Variants in PIEZO2 observed in about 807,000 individuals in gnomAD.
The protein encoded by PIEZO2 is piezo-type mechanosensitive ion channel component 2.
PIEZO2 carries 172 observed loss-of-function variants against 337.3 expected under a neutral mutation model. The ratio of observed to expected loss-of-function variants is 0.51; its 90% CI spans 0.45 to 0.58. The LOEUF (loss-of-function observed/expected upper bound fraction) is 0.58. Ranked by LOEUF, PIEZO2 falls within the 20% of genes least tolerant of loss-of-function variation. PIEZO2 has a pLI of 0.00. For synonymous variants in PIEZO2, 1,251 were observed against 1,228.5 expected (o/e 1.02, Z -0.38); for missense variants, 3,028 against 3,391.3 (o/e 0.89, Z 2.66).
chr18:10,752,620 A>G lies in PIEZO2; in HGVS notation c.4167+16T>C. ...CACGAAAACCGCAAATGTGTTATGCAGTGGCAACCACTTACTGACAGGATA... is the reference window on the plus strand; with the variant it reads ...CACGAAAACCGCAAATGTGTTATGCGGTGGCAACCACTTACTGACAGGATA... On this transcript the variant is annotated intron_variant, in intron 28 of 55. Coordinates refer to ENST00000674853, the MANE Select transcript of PIEZO2 (RefSeq NM_001378183.1). 1 of 1,536,394 alleles carries G rather than the reference A, an allele frequency of 6.5e-7. No homozygotes were observed. Among genetic ancestry groups the G allele is most frequent in the Non-Finnish European group, 8.7e-7 (1 of 1,146,256 alleles).
At chr18:11,130,706 C>T (rs1455968868) in intron 1 of PIEZO2, among the ~76,000 whole-genome samples, 2 of 152,136 alleles carry the variant, frequency 1.3e-5, no homozygotes, top group African/African-American at 4.8e-5. Context: ...TGGTGTGGGG[C>T]CTGTCTAGAT....
intron 3 of PIEZO2, among the ~76,000 whole-genome samples, chr18:10,915,663 A>G (rs980450077): frequency 8.5e-5 from 13 of 152,276 alleles, no homozygotes; most frequent in African/African-American, 3.1e-4. Flanking sequence ...CTGTGAAATT[A>G]GTACTATTAC....
At position 10,959,793 on chromosome 18, in the gene PIEZO2, C is replaced by T. The variant is rs998526434; in HGVS notation, c.286+19742G>A. 8.5e-5 allele frequency among the ~76,000 whole-genome samples: 13 copies of T among 152,256 alleles called. No individual in the cohort carries two copies. The East Asian group carries it at 1.5e-3, about 18-fold the overall frequency. Reference sequence around the variant, plus strand: ...TTTTAAGTAAAACATTTATTTAACACGCCTATAATAAAGTTAAATAAATTA... The same window carrying T: ...TTTTAAGTAAAACATTTATTTAACATGCCTATAATAAAGTTAAATAAATTA... On this transcript the variant is annotated intron_variant, in intron 3 of 55. Transcript: ENST00000674853.
intron 18 of PIEZO2, among the ~76,000 whole-genome samples, chr18:10,774,391 G>A (rs1343277798): frequency 6.6e-6 from 1 of 152,166 alleles, no homozygotes; most frequent in Non-Finnish European, 1.5e-5. Flanking sequence ...AAAATTTCTT[G>A]AAAGAATGTG....
At chr18:10,912,293 T>G (rs1208603277) in intron 3 of PIEZO2, among the ~76,000 whole-genome samples, 1 of 152,204 alleles carries the variant, frequency 6.6e-6, no homozygotes, top group Non-Finnish European at 1.5e-5. Context: ...ATAAAAATTC[T>G]GCATTTACCA....
intron 1 of PIEZO2, among the ~76,000 whole-genome samples, chr18:11,141,399 T>C (rs1212521889): frequency 1.3e-5 from 2 of 151,762 alleles, no homozygotes; most frequent in African/African-American, 2.4e-5. Context: ...TCTGGGGGGC[T>C]TAGGGCAGGG....
intron 7 of PIEZO2, among the ~76,000 whole-genome samples, chr18:10,851,310 A>G (rs1199803459): frequency 1.3e-5 from 2 of 152,112 alleles, no homozygotes; most frequent in Non-Finnish European, 2.9e-5. Context: ...ATGTCCTGTT[A>G]TCGGCAAGTT....
intron 3 of PIEZO2, among the ~76,000 whole-genome samples, chr18:10,961,840 A>T (rs532815460): frequency 1.9e-4 from 29 of 152,320 alleles, no homozygotes; most frequent in African/African-American, 6.7e-4. Flanking sequence ...TTATAGCTAG[A>T]TAGCTCTTAT....
rs188980112 is a variant in PIEZO2, at chr18:11,099,914, A to G, written c.65-33692T>C. On this transcript the variant is annotated intron_variant, in intron 1 of 55. Transcript: ENST00000674853. The surrounding 1 kb of genome is among the most constrained non-coding windows in gnomAD (Gnocchi z 5.4). ...GCTGAGTTGTTATAATCTCTTATGT[A>G]TCATAGAAACCAAGCCTTTGTTAAT... is the stretch of plus-strand genomic sequence containing the variant. Among the ~76,000 whole-genome samples the G allele has an allele frequency of 6.6e-6, 1 of 152,284 alleles. No homozygotes were observed. The highest frequency in any genetic ancestry group is 2.4e-5 in the African/African-American group (1 of 41,554).
At position 10,815,536 on chromosome 18, in the gene PIEZO2, A is replaced by G. The variant is rs189549164; in HGVS notation, c.918-8262T>C. ...CTGAAACGGGCCTTGAAAATATCCT[A>G]TATACAATTGTTTTGGATTGTAAGC... On this transcript the variant is annotated intron_variant, in intron 7 of 55. Coordinates refer to ENST00000674853, the MANE Select transcript of PIEZO2 (RefSeq NM_001378183.1). The surrounding 1 kb of genome is among the most constrained non-coding windows in gnomAD (Gnocchi z 4.1). 2.6e-5 allele frequency among the ~76,000 whole-genome samples: 4 copies of G among 152,308 alleles called. No homozygotes were observed. The East Asian group carries it at 7.7e-4, about 29-fold the overall frequency.
chr18:10,828,933 T>C lies in PIEZO2; in HGVS notation c.918-21659A>G, dbSNP rs561082718. ...ATGCTGCTGCTTCCTCCAGGAAGCC[T>C]TTCCTCAGCATGTCATGTCTTCATT... On this transcript the variant is annotated intron_variant, in intron 7 of 55. Transcript: ENST00000674853. The surrounding 1 kb of genome is among the most constrained non-coding windows in gnomAD (Gnocchi z 4.1). 5.9e-5 allele frequency among the ~76,000 whole-genome samples: 9 copies of C among 152,292 alleles called. No homozygotes were observed. The South Asian group carries it at 1.9e-3, about 32-fold the overall frequency.
chr18:11,135,575 T>A (rs2040459238), intron 1 of PIEZO2, among the ~76,000 whole-genome samples: 1 of 152,104 alleles, frequency 6.6e-6, no homozygotes, highest in Non-Finnish European at 1.5e-5. Flanking sequence ...TTAGATGGAG[T>A]CTAGCTCTGT....
intron 1 of PIEZO2, among the ~76,000 whole-genome samples, chr18:11,090,333 T>TACAA (rs1284900989): frequency 3.9e-5 from 6 of 152,078 alleles, no homozygotes; most frequent in African/African-American, 1.4e-4. Flanking sequence ...GAGAAAGGAA[T>TACAA]ACAAACTGCT....
At chr18:10,720,234 G>GTGTGTGTGTATATA (rs1225106343) in intron 36 of PIEZO2, among the ~76,000 whole-genome samples, 1 of 119,920 alleles carries the variant, frequency 8.3e-6, no homozygotes, top group South Asian at 2.4e-4. Context: ...GTGTGTGTGT[G>GTGTGTGTGTATATA]TATATATATA....
At chr18:10,719,036 G>T (rs1206627735) in intron 36 of PIEZO2, among the ~76,000 whole-genome samples, 1 of 151,270 alleles carries the variant, frequency 6.6e-6, no homozygotes, top group African/African-American at 2.4e-5. Context: ...TTTGCTATGA[G>T]GTTCTTTATA....
intron 3 of PIEZO2, among the ~76,000 whole-genome samples, chr18:10,958,074 T>C (rs547243317): frequency 6.6e-6 from 1 of 152,228 alleles, no homozygotes; most frequent in Non-Finnish European, 1.5e-5. Flanking sequence ...GGAATGTAAA[T>C]TAGTACAGCC....
chr18:11,142,464 C>T (rs765137075), intron 1 of PIEZO2, among the ~76,000 whole-genome samples: 4 of 152,162 alleles, frequency 2.6e-5, no homozygotes, highest in Non-Finnish European at 5.9e-5. Context: ...TGACAAACCT[C>T]GACTGACAGC....
At chr18:10,787,521 G>A (rs1034248509) in intron 15 of PIEZO2, among the ~76,000 whole-genome samples, 1 of 152,164 alleles carries the variant, frequency 6.6e-6, no homozygotes, top group Admixed American at 6.5e-5. Context: ...GGAACAGTAG[G>A]GTAGGTGCTG....
intron 2 of PIEZO2, among the ~76,000 whole-genome samples, chr18:11,000,119 C>T (rs2035476954): frequency 6.6e-6 from 1 of 152,188 alleles, no homozygotes; most frequent in Non-Finnish European, 1.5e-5. Context: ...CAGGGAAGCA[C>T]TCTGGGAACA....
Sources: gnomAD v4.1 joint callset for allele counts (sites outside exome capture counted in the v4.1 genomes callset) on GRCh38, gnomAD v4.1.1 for gene constraint, Gnocchi (gnomAD v3.1) non-coding constraint, MANE v1.5 for transcripts, NCBI Gene and HGNC (gene_info 2026-07-23, HGNC 2026-07-21) for gene names.